SH3D19: variants seen among roughly 807,000 people sequenced by gnomAD.
SH3D19 encodes the protein SH3 domain containing 19.
SH3D19 carries 58 observed loss-of-function variants against 112.1 expected under a neutral mutation model. The ratio of observed to expected loss-of-function variants is 0.52; its 90% CI spans 0.42 to 0.64. The LOEUF (loss-of-function observed/expected upper bound fraction) is 0.64. Ranked by LOEUF, SH3D19 falls within the 30% of genes least tolerant of loss-of-function variation. SH3D19 has a pLI of 0.00. For synonymous variants in SH3D19, 391 were observed against 448.5 expected (o/e 0.87, Z 1.62); for missense variants, 1,090 against 1,263.4 (o/e 0.86, Z 2.08).
At chr4:151,184,965 T>A (rs1008978756) in intron 3 of SH3D19, among the ~76,000 whole-genome samples, 1 of 151,862 alleles carries the variant, frequency 6.6e-6, no homozygotes, top group South Asian at 2.1e-4. Context: ...CCTGGTTTAG[T>A]ATTAAGAGCT....
At chr4:151,247,766 G>A (rs1397480089) in intron 1 of SH3D19, among the ~76,000 whole-genome samples, 1 of 152,106 alleles carries the variant, frequency 6.6e-6, no homozygotes, top group Non-Finnish European at 1.5e-5. Context: ...AGATAGCGGA[G>A]ATAAATCTTG....
chr4:151,133,100 C>A lies in SH3D19; in HGVS notation c.2623G>T (p.Gly875Trp). 1.2e-6 allele frequency: 2 copies of A among 1,614,134 alleles called. No homozygotes were observed. The highest frequency in any genetic ancestry group is 1.7e-6 in the Non-Finnish European group (2 of 1,179,986). The part of the protein sequence containing the change: ...WARGEVRGRT[G>W]IFPLNFVEPV... Reference sequence around the variant, plus strand: ...TCCACAAAGTTCAGGGGGAAAATCCCAGTTCTGCCTCGAACTTCTCCTCTG... The same window carrying A: ...TCCACAAAGTTCAGGGGGAAAATCCAAGTTCTGCCTCGAACTTCTCCTCTG... Residue 875 changes from glycine to tryptophan, a missense_variant, in exon 16 of 20, where the codon GGG (glycine) becomes TGG (tryptophan). By Grantham distance (184) the Gly-to-Trp change is radical. Coordinates refer to ENST00000604030, the MANE Select transcript of SH3D19 (RefSeq NM_001378122.1).
At chr4:151,241,042 T>C (rs1241541630) in intron 1 of SH3D19, among the ~76,000 whole-genome samples, 3 of 151,654 alleles carry the variant, frequency 2.0e-5, no homozygotes, top group Non-Finnish European at 4.4e-5. Flanking sequence ...CCCAACACTT[T>C]GGGAGGCTGA....
chr4:151,263,529 C>G (rs1402906486), intron 1 of SH3D19, among the ~76,000 whole-genome samples: 1 of 152,188 alleles, frequency 6.6e-6, no homozygotes, highest in Non-Finnish European at 1.5e-5. Flanking sequence ...CATTTATTAT[C>G]TCATAGTTTC....
intron 15 of SH3D19, among the ~76,000 whole-genome samples, chr4:151,134,868 A>G (rs1316206155): frequency 6.6e-6 from 1 of 152,226 alleles, no homozygotes; most frequent in African/African-American, 2.4e-5. Flanking sequence ...ATAAATAAAT[A>G]ATAGAGATGG....
intron 1 of SH3D19, among the ~76,000 whole-genome samples, chr4:151,277,864 A>C (rs1227174956): frequency 2.0e-5 from 3 of 152,160 alleles, no homozygotes; most frequent in African/African-American, 4.8e-5. Context: ...AACATGGTGA[A>C]ACCCCATCTC....
intron 1 of SH3D19, among the ~76,000 whole-genome samples, chr4:151,246,602 T>C (rs997573457): frequency 3.2e-4 from 48 of 152,306 alleles, no homozygotes; most frequent in African/African-American, 1.1e-3. Flanking sequence ...TTCTTTACAA[T>C]AGCAAATCTA....
At chr4:151,168,596 G>A (rs1164102784) in intron 7 of SH3D19, among the ~76,000 whole-genome samples, 1 of 151,776 alleles carries the variant, frequency 6.6e-6, no homozygotes, top group Non-Finnish European at 1.5e-5. Flanking sequence ...CACCATGCCT[G>A]GCTAATTTTT....
intron 1 of SH3D19, among the ~76,000 whole-genome samples, chr4:151,228,368 C>A (rs1334625070): frequency 1.3e-5 from 2 of 152,098 alleles, no homozygotes; most frequent in Non-Finnish European, 2.9e-5. Context: ...CCATGAAAAA[C>A]AAATTGAAAC....
intron 1 of SH3D19, among the ~76,000 whole-genome samples, chr4:151,254,939 CA>C (rs1771709310): frequency 6.7e-6 from 1 of 148,516 alleles, no homozygotes; most frequent in Non-Finnish European, 1.5e-5. Flanking sequence ...GGCGGCTGGC[CA>C]GGCGGGGGGC....
chr4:151,150,256 C>CATAT (rs10671151), intron 9 of SH3D19, among the ~76,000 whole-genome samples: 26 of 111,976 alleles, frequency 2.3e-4, no homozygotes, highest in South Asian at 2.0e-3. Flanking sequence ...TATATACACA[C>CATAT]ATATATATAC....
intron 1 of SH3D19, among the ~76,000 whole-genome samples, chr4:151,322,464 G>A (rs1580488986): frequency 7.6e-5 from 9 of 118,638 alleles, no homozygotes; most frequent in African/African-American, 2.1e-4. Context: ...AACCTTTCCT[G>A]AATTGACCTC....
intron 2 of SH3D19, among the ~76,000 whole-genome samples, chr4:151,204,840 A>G (rs1764875039): frequency 6.6e-6 from 1 of 152,102 alleles, no homozygotes; most frequent in South Asian, 2.1e-4. Flanking sequence ...TCTTTTTTTG[A>G]GACAGAGTCT....
chr4:151,181,147 A>T (rs1203201836), intron 3 of SH3D19, among the ~76,000 whole-genome samples: 1 of 152,164 alleles, frequency 6.6e-6, no homozygotes, highest in Non-Finnish European at 1.5e-5. Flanking sequence ...TAGTGTAAAG[A>T]TCTGTGCACA....
At chr4:151,184,753 A>T (rs192918008) in intron 3 of SH3D19, among the ~76,000 whole-genome samples, 192 of 152,272 alleles carry the variant, frequency 1.3e-3, no homozygotes, top group African/African-American at 4.3e-3. Flanking sequence ...CTCAAATTAC[A>T]GTCCATATCT....
At chr4:151,139,077 G>A (rs1180363317) in intron 13 of SH3D19, among the ~76,000 whole-genome samples, 7 of 151,964 alleles carry the variant, frequency 4.6e-5, no homozygotes, top group African/African-American at 1.2e-4. Flanking sequence ...CATCCGCCTC[G>A]GCCTCACAAA....
intron 1 of SH3D19, among the ~76,000 whole-genome samples, chr4:151,304,334 T>C (rs1347740234): frequency 6.6e-6 from 1 of 152,130 alleles, no homozygotes; most frequent in Non-Finnish European, 1.5e-5. Flanking sequence ...ACTAGCTGGA[T>C]TGTGGTTAGA....
intron 2 of SH3D19, among the ~76,000 whole-genome samples, chr4:151,194,045 TTTG>T (rs1479440565): frequency 3.3e-5 from 4 of 120,356 alleles, no homozygotes; most frequent in African/African-American, 1.1e-4. Context: ...TTTTTTTTTT[TTTG>T]GTCACTCAGC....
At position 151,176,852 on chromosome 4, in the gene SH3D19, C is replaced by T; in HGVS notation, c.340G>A (p.Gly114Ser). Residue 114 changes from glycine to serine, a missense_variant, in exon 5 of 20, where the codon GGC becomes AGC. Coordinates refer to ENST00000604030, the MANE Select transcript of SH3D19 (RefSeq NM_001378122.1). Reference sequence around the variant, plus strand: ...ACCAGCTCATTAGGCCTCCAAGAGCCTGCTGCAGATGATGTAGGAAATCCC... The same window carrying T: ...ACCAGCTCATTAGGCCTCCAAGAGCTTGCTGCAGATGATGTAGGAAATCCC... ...GLGFPTSSAAGSWRPNELVPA... is the reference protein window; with the variant it reads ...GLGFPTSSAASSWRPNELVPA... 2 of 1,232,160 alleles carry T rather than the reference C, an allele frequency of 1.6e-6. No homozygotes were observed. Among genetic ancestry groups the T allele is most frequent in the Non-Finnish European group, 2.0e-6 (2 of 987,970 alleles). The allele number at this position is 1,232,160 out of a possible 1,614,324, so 76.3% of individuals were successfully genotyped here. A position where few individuals can be genotyped will look rare whatever the true frequency, so the allele number is the denominator to read the frequency against.
Sources: gnomAD v4.1 joint callset for allele counts (sites outside exome capture counted in the v4.1 genomes callset) on GRCh38, gnomAD v4.1.1 for gene constraint, MANE v1.5 for transcripts, NCBI Gene and HGNC (gene_info 2026-07-23, HGNC 2026-07-21) for gene names.